DIAPH3: variants seen among roughly 807,000 people sequenced by gnomAD.
The protein encoded by DIAPH3 is protein diaphanous homolog 3.
In DIAPH3, 117 loss-of-function variants were observed where a neutral mutation model predicts 144.3. That is an observed-to-expected ratio of 0.81 (90% CI 0.70 to 0.95). The LOEUF (loss-of-function observed/expected upper bound fraction) is 0.95. DIAPH3 is among the 40% of genes least tolerant of loss of function. The probability of loss-of-function intolerance (pLI) is 0.00; values close to 1 mark genes in which losing one functional copy is unlikely to be tolerated. For synonymous variants in DIAPH3, 519 were observed against 488.9 expected, an observed-to-expected ratio of 1.06 and a Z score of -0.81; for missense variants, 1,421 against 1,412.7, an observed-to-expected ratio of 1.01 and a Z score of -0.09.
chr13:60,085,749 C>T (rs1261182709), intron 4 of DIAPH3, among the ~76,000 whole-genome samples: 3 of 152,110 alleles, frequency 2.0e-5, no homozygotes, highest in Admixed American at 1.3e-4. Flanking sequence ...CTTTTAAAAG[C>T]TTCTTTATAT....
At chr13:60,081,420 C>T (rs760529045) in intron 4 of DIAPH3, among the ~76,000 whole-genome samples, 14 of 152,000 alleles carry the variant, frequency 9.2e-5, no homozygotes, top group African/African-American at 2.7e-4. Flanking sequence ...GTTAGGGCAG[C>T]GGGGGTGCTA....
chr13:59,822,456 T>G (rs1218512702), intron 24 of DIAPH3, among the ~76,000 whole-genome samples: 1 of 152,074 alleles, frequency 6.6e-6, no homozygotes, highest in Non-Finnish European at 1.5e-5. Flanking sequence ...TTATTTTTTT[T>G]TGTGAGACGG....
intron 22 of DIAPH3, among the ~76,000 whole-genome samples, chr13:59,845,070 GA>G (rs2042559977): frequency 6.7e-6 from 1 of 149,676 alleles, no homozygotes; most frequent in Non-Finnish European, 1.5e-5. Context: ...TTTTGAGATG[GA>G]GTCTCACTCT....
chr13:60,000,502 T>C (rs2052458275), intron 9 of DIAPH3, among the ~76,000 whole-genome samples: 2 of 151,876 alleles, frequency 1.3e-5, no homozygotes, highest in African/African-American at 4.8e-5. Flanking sequence ...TCATCTTTAC[T>C]AGATAATCAT....
chr13:60,038,973 C>T (rs1594462078), intron 5 of DIAPH3, among the ~76,000 whole-genome samples: 1 of 151,878 alleles, frequency 6.6e-6, no homozygotes, highest in African/African-American at 2.4e-5. Flanking sequence ...TCAAGATCCA[C>T]TAAAAATAAT....
At chr13:59,872,390 C>T (rs1022256971) in intron 21 of DIAPH3, among the ~76,000 whole-genome samples, 5 of 151,982 alleles carry the variant, frequency 3.3e-5, no homozygotes, top group South Asian at 2.1e-4. Flanking sequence ...ACAAAACACA[C>T]GCCTGGTATA....
intron 1 of DIAPH3, among the ~76,000 whole-genome samples, chr13:60,139,534 G>A (rs1408297351): frequency 6.6e-6 from 1 of 152,180 alleles, no homozygotes; most frequent in Non-Finnish European, 1.5e-5. Flanking sequence ...GCCAACGAGA[G>A]ATCAGCGTTA....
chr13:59,707,646 G>A (rs781115126), intron 27 of DIAPH3, among the ~76,000 whole-genome samples: 3 of 152,032 alleles, frequency 2.0e-5, no homozygotes, highest in East Asian at 1.9e-4. Flanking sequence ...TATACTGTAC[G>A]ATTCGAAAAA....
At chr13:60,108,333 G>T (rs2058475101) in intron 3 of DIAPH3, among the ~76,000 whole-genome samples, 1 of 152,130 alleles carries the variant, frequency 6.6e-6, no homozygotes, top group South Asian at 2.1e-4. Flanking sequence ...ATAAGGCCAG[G>T]CACGGTGGCT....
intron 20 of DIAPH3, among the ~76,000 whole-genome samples, chr13:59,880,988 A>AAAAAG (rs2044992100): frequency 6.6e-6 from 1 of 150,738 alleles, no homozygotes; most frequent in African/African-American, 2.4e-5. Context: ...CAAAAAAAAA[A>AAAAAG]AAAAAAAAAG....
intron 27 of DIAPH3, among the ~76,000 whole-genome samples, chr13:59,697,459 C>CAAAAAAAA (rs58372882): frequency 0.017 from 516 of 31,224 alleles, 14 homozygotes; most frequent in Non-Finnish European, 0.022. Context: ...GACACTGTCT[C>CAAAAAAAA]AAAAAAAAAA....
chr13:59,713,921 G>A (rs932547552), intron 27 of DIAPH3, among the ~76,000 whole-genome samples: 1 of 152,198 alleles, frequency 6.6e-6, no homozygotes, highest in Non-Finnish European at 1.5e-5. Context: ...TTAAGAGTCT[G>A]AATCAGGCCT....
chr13:59,848,307 C>CTT (rs71089517), intron 22 of DIAPH3, among the ~76,000 whole-genome samples: 23 of 128,082 alleles, frequency 1.8e-4, no homozygotes, highest in Non-Finnish European at 2.5e-4. Flanking sequence ...AAAGTCAAAT[C>CTT]TTTTTTTTTT....
At chr13:60,056,318 T>C (rs951828362) in intron 4 of DIAPH3, among the ~76,000 whole-genome samples, 4 of 149,084 alleles carry the variant, frequency 2.7e-5, no homozygotes, top group Admixed American at 6.7e-5. Flanking sequence ...GAAAGGAGAG[T>C]TGGAGGGATA....
At chr13:59,720,389 T>C (rs2035281646) in intron 27 of DIAPH3, among the ~76,000 whole-genome samples, 1 of 152,192 alleles carries the variant, frequency 6.6e-6, no homozygotes, top group African/African-American at 2.4e-5. Context: ...AAAAACACTA[T>C]GCTCAAAATA....
intron 2 of DIAPH3, among the ~76,000 whole-genome samples, chr13:60,116,582 A>C (rs926765496): frequency 1.3e-5 from 2 of 151,262 alleles, no homozygotes; most frequent in African/African-American, 4.9e-5. Context: ...CTTTACATAC[A>C]CACACATCCA....
intron 1 of DIAPH3, among the ~76,000 whole-genome samples, chr13:60,159,041 G>A (rs1952164962): frequency 6.6e-6 from 1 of 150,956 alleles, no homozygotes; most frequent in Non-Finnish European, 1.5e-5. Flanking sequence ...TACTACACCT[G>A]CTTCCAAATA....
At chr13:60,064,195 T>C (rs1594557488) in intron 4 of DIAPH3, among the ~76,000 whole-genome samples, 2 of 152,184 alleles carry the variant, frequency 1.3e-5, no homozygotes, top group South Asian at 2.1e-4. Flanking sequence ...TAATTGAGCA[T>C]TGGTTTCAAC....
In DIAPH3 at chr13:59,970,995, A is replaced by G; in HGVS notation, c.1816T>C (p.Phe606Leu). The G allele has an allele frequency of 6.3e-7, 1 of 1,594,722 alleles. No individual in the cohort carries two copies. The highest frequency in any genetic ancestry group is 8.6e-7 in the Non-Finnish European group (1 of 1,168,426). ...GGTGGTGGAGGCACAGGACCACTGA[A>G]TGGCATCCGCATTCCTGGAAGTGGA... The part of the protein sequence containing the change: ...PPPLPGMRMP[F>L]SGPVPPPPPL... The change falls in exon 16 of 28, where the codon TTC becomes CTC. Residue 606 changes from phenylalanine (F) to leucine (L), a missense_variant. Coordinates refer to ENST00000400324, the MANE Select transcript of DIAPH3 (RefSeq NM_001042517.2).
Sources: gnomAD v4.1 joint callset for allele counts (sites outside exome capture counted in the v4.1 genomes callset) on GRCh38, gnomAD v4.1.1 for gene constraint, MANE v1.5 for transcripts, NCBI Gene and HGNC (gene_info 2026-07-23, HGNC 2026-07-21) for gene names.